Variants in ATRNL1 observed in about 807,000 individuals in gnomAD.
The protein encoded by ATRNL1 is attractin like 1.
In ATRNL1, 95 loss-of-function variants were observed where a neutral mutation model predicts 182.7. The ratio of observed to expected loss-of-function variants is 0.52; its 90% confidence interval spans 0.44 to 0.62. The LOEUF is 0.62. Ranked by LOEUF, ATRNL1 falls within the 20% of genes least tolerant of loss-of-function variation. ATRNL1 has a pLI of 0.00. For synonymous variants in ATRNL1, 576 were observed against 568.3 expected (o/e 1.01, Z -0.19); for missense variants, 1,471 against 1,679.5 (o/e 0.88, Z 2.17).
At chr10:115,132,135 G>C (rs1209015631) in intron 5 of ATRNL1, among the ~76,000 whole-genome samples, 2 of 148,486 alleles carry the variant, frequency 1.3e-5, no homozygotes, top group Non-Finnish European at 3.0e-5. Flanking sequence ...CTGTGTCCAA[G>C]TGTTCTCATT....
chr10:115,343,974 G>C (rs925482641), intron 19 of ATRNL1, among the ~76,000 whole-genome samples: 1 of 152,114 alleles, frequency 6.6e-6, no homozygotes, highest in African/African-American at 2.4e-5. Flanking sequence ...ATTTTCTCCC[G>C]AACAAACAGA....
At chr10:115,842,236 G>A (rs1219850012) in intron 27 of ATRNL1, among the ~76,000 whole-genome samples, 1 of 151,916 alleles carries the variant, frequency 6.6e-6, no homozygotes, top group East Asian at 1.9e-4. Context: ...TTAATTCCTT[G>A]ATTCAATTTT....
chr10:115,795,154 G>A (rs1487202084), intron 27 of ATRNL1, among the ~76,000 whole-genome samples: 1 of 152,128 alleles, frequency 6.6e-6, no homozygotes, highest in Admixed American at 6.6e-5. Context: ...TCTGACATTA[G>A]GTGTGCTCAT....
intron 20 of ATRNL1, among the ~76,000 whole-genome samples, chr10:115,412,387 G>T (rs1845185080): frequency 6.6e-6 from 1 of 152,194 alleles, no homozygotes; most frequent in African/African-American, 2.4e-5. Context: ...GACCCTAGGT[G>T]CAGCCAACGT....
At chr10:115,163,955 T>A (rs1187163538) in intron 6 of ATRNL1, among the ~76,000 whole-genome samples, 2 of 152,174 alleles carry the variant, frequency 1.3e-5, no homozygotes, top group Middle Eastern at 3.2e-3. Flanking sequence ...GCAAACAAAT[T>A]TGGTAACCCT....
At chr10:115,897,511 A>T (rs1001305263) in intron 28 of ATRNL1, among the ~76,000 whole-genome samples, 1 of 152,246 alleles carries the variant, frequency 6.6e-6, no homozygotes, top group Non-Finnish European at 1.5e-5. Flanking sequence ...CTATGCAGAC[A>T]TACAAAGCTT....
At chr10:115,782,049 TAAAG>T (rs1949278742) in intron 27 of ATRNL1, among the ~76,000 whole-genome samples, 1 of 152,212 alleles carries the variant, frequency 6.6e-6, no homozygotes, top group Non-Finnish European at 1.5e-5. Context: ...AAGAAAGGAT[TAAAG>T]AAAGAGTTAA....
intron 27 of ATRNL1, among the ~76,000 whole-genome samples, chr10:115,758,191 T>C (rs1369733317): frequency 2.6e-5 from 4 of 152,038 alleles, no homozygotes; most frequent in African/African-American, 9.7e-5. Flanking sequence ...CTCTGTCCCA[T>C]TTTGTTCCTT....
At position 115,315,699 on chromosome 10, in the gene ATRNL1, A is replaced by G; in HGVS notation, c.3000A>G (p.Lys1000=). Residue 1000 remains lysine, a synonymous_variant, in exon 18 of 29, where the codon AAA becomes AAG. Coordinates refer to ENST00000355044, the MANE Select transcript of ATRNL1 (RefSeq NM_207303.4). The part of the protein sequence containing the change: ...EMVLDTNLCP[K]EKNYEWSFIQ... ...TTCTTGACACCAATCTTTGCCCCAA[A>G]GAAAAGAACTATGAGTGGTCCTTTA... 6.2e-7 allele frequency: 1 copy of G among 1,613,726 alleles called. No individual in the cohort carries two copies. Among genetic ancestry groups the G allele is most frequent in the Non-Finnish European group, 8.5e-7 (1 of 1,179,860 alleles).
intron 24 of ATRNL1, among the ~76,000 whole-genome samples, chr10:115,517,722 G>C (rs1554984223): frequency 6.6e-6 from 1 of 151,534 alleles, no homozygotes; most frequent in African/African-American, 2.4e-5. Context: ...TCTTTATTAT[G>C]ATTTCAAAAT....
intron 26 of ATRNL1, among the ~76,000 whole-genome samples, chr10:115,642,571 G>T (rs1859324337): frequency 6.6e-6 from 1 of 151,802 alleles, no homozygotes; most frequent in African/African-American, 2.4e-5. Flanking sequence ...AGCCTCCCTA[G>T]TAGTTGGGGT....
At chr10:115,607,173 T>C (rs1275147497) in intron 26 of ATRNL1, among the ~76,000 whole-genome samples, 4 of 151,986 alleles carry the variant, frequency 2.6e-5, no homozygotes, top group African/African-American at 9.7e-5. Context: ...AGCAAATGTA[T>C]ATTAAAATTT....
Position 115,160,063 on chromosome 10 carries a change from C to G in ATRNL1, c.853C>G (p.Pro285Ala), listed in dbSNP as rs782085376. The change falls in exon 6 of 29, where the codon CCC becomes GCC. Residue 285 changes from proline to alanine, a missense_variant. Pro to Ala is a conservative substitution (Grantham distance 27, BLOSUM62 -1). This residue lies in a region of ATRNL1 where 1,031 missense variants were observed against 1,156.0 expected (regional missense o/e 0.89). Transcript: ENST00000355044. The part of the protein sequence containing the change: ...WQGPDCSLNV[P>A]STESYWILPN... ...AGGTCCTGATTGTTCTTTGAATGTT[C>G]CCTCTACTGAGTCTTACTGGATTCT... 1 of 1,605,952 alleles carries G rather than the reference C, an allele frequency of 6.2e-7. No homozygotes were observed. Among genetic ancestry groups the G allele is most frequent in the South Asian group, 1.1e-5 (1 of 89,830 alleles).
At chr10:115,558,063 A>T (rs1853425336) in intron 26 of ATRNL1, among the ~76,000 whole-genome samples, 1 of 83,528 alleles carries the variant, frequency 1.2e-5, no homozygotes, top group Non-Finnish European at 3.0e-5. Flanking sequence ...AAAACAAAAA[A>T]ACAAAAAAAA....
At chr10:115,874,677 C>A (rs886069345) in intron 28 of ATRNL1, among the ~76,000 whole-genome samples, 4 of 152,168 alleles carry the variant, frequency 2.6e-5, no homozygotes. Flanking sequence ...ATGGAGTCAG[C>A]AGAACCTGAG....
intron 26 of ATRNL1, among the ~76,000 whole-genome samples, chr10:115,722,339 G>T (rs1555058010): frequency 6.6e-6 from 1 of 152,018 alleles, no homozygotes; most frequent in African/African-American, 2.4e-5. Context: ...CACTATCTAG[G>T]AAAATTAACC....
chr10:115,133,218 G>A (rs1471497000), intron 5 of ATRNL1, among the ~76,000 whole-genome samples: 4 of 152,016 alleles, frequency 2.6e-5, no homozygotes, highest in Non-Finnish European at 5.9e-5. Flanking sequence ...TTTTTGTCAG[G>A]TTTGTCAAAG....
chr10:115,859,477 A>G (rs1379204485), intron 28 of ATRNL1, among the ~76,000 whole-genome samples: 1 of 152,184 alleles, frequency 6.6e-6, no homozygotes, highest in Non-Finnish European at 1.5e-5. Context: ...TCTGCCACAC[A>G]GAGCCCAGAA....
chr10:115,882,532 A>G (rs1356348026), intron 28 of ATRNL1, among the ~76,000 whole-genome samples: 1 of 152,114 alleles, frequency 6.6e-6, no homozygotes, highest in Non-Finnish European at 1.5e-5. Context: ...AGCCTGTAAG[A>G]CTTGCTGTCA....
Sources: allele counts gnomAD v4.1 joint callset (sites outside exome capture counted in the v4.1 genomes callset), GRCh38; gene constraint gnomAD v4.1.1; regional missense constraint gnomAD v4.1.1; transcripts MANE v1.5; gene names NCBI Gene and HGNC (gene_info 2026-07-23, HGNC 2026-07-21).